Variants in FARP2 observed in about 807,000 individuals in gnomAD.
FARP2 encodes the protein FERM, ARH/RhoGEF and pleckstrin domain protein 2.
Under a neutral mutation model 130.5 loss-of-function variants are expected in FARP2, and 111 were observed. That is an observed-to-expected ratio of 0.85 (90% CI 0.73 to 1.00). The LOEUF (loss-of-function observed/expected upper bound fraction) is 1.00. Ranked by LOEUF, FARP2 falls within the 50% of genes least tolerant of loss-of-function variation. The probability of loss-of-function intolerance (pLI) is 0.00; values close to 1 mark genes in which losing one functional copy is unlikely to be tolerated. For missense variants in FARP2, 1,385 were observed against 1,346.3 expected (o/e 1.03, Z -0.45); for synonymous variants, 504 against 516.9 (o/e 0.98, Z 0.34).
At chr2:241,481,203 T>C (rs1253412960) in intron 19 of FARP2, among the ~76,000 whole-genome samples, 1 of 152,114 alleles carries the variant, frequency 6.6e-6, no homozygotes, top group African/African-American at 2.4e-5. Flanking sequence ...CACTCCAGCC[T>C]AGGCAACAGA....
At chr2:241,406,448 G>A (rs2150354148) in intron 4 of FARP2, among the ~76,000 whole-genome samples, 1 of 151,862 alleles carries the variant, frequency 6.6e-6, no homozygotes, top group African/African-American at 2.4e-5. Context: ...GCACGCGCAT[G>A]TTTTTGTGTG....
chr2:241,483,306 G>T (rs972855653), intron 19 of FARP2, among the ~76,000 whole-genome samples, 159 bp from the exon 20 acceptor site: 1 of 152,224 alleles, frequency 6.6e-6, no homozygotes, highest in Non-Finnish European at 1.5e-5. Flanking sequence ...ACTGCTGAGG[G>T]TAGAGGAGCC....
At chr2:241,474,440 G>A (rs887132621) in intron 18 of FARP2, among the ~76,000 whole-genome samples, 5 of 149,804 alleles carry the variant, frequency 3.3e-5, no homozygotes, top group Admixed American at 3.3e-4. Context: ...GAGGGGTGTG[G>A]ACCTTGTCAT....
At chr2:241,387,342 T>C (rs2061808007) in intron 2 of FARP2, 1 of 152,190 alleles carries the variant, frequency 6.6e-6, no homozygotes, top group Non-Finnish European at 1.5e-5. Context: ...GACACTACGT[T>C]GTATATAGAA....
intron 21 of FARP2, among the ~76,000 whole-genome samples, chr2:241,485,272 A>G (rs62190414): frequency 0.21 from 29,289 of 141,382 alleles, 3,149 homozygotes; most frequent in East Asian, 0.42. Context: ...CTTTCCTAGG[A>G]TCTTCCCTCC....
intron 5 of FARP2, 29 bp from the exon 6 acceptor site, chr2:241,411,004 T>A: frequency 1.4e-6 from 2 of 1,420,678 alleles, no homozygotes; most frequent in Non-Finnish European, 2.0e-6. Flanking sequence ...TTGGAATTGA[T>A]CTCTGTCTTA....
intron 14 of FARP2, among the ~76,000 whole-genome samples, chr2:241,460,574 A>G (rs2063986847): frequency 6.6e-6 from 1 of 152,236 alleles, no homozygotes; most frequent in African/African-American, 2.4e-5. Context: ...CACCACATCC[A>G]GCCAAGAAAA....
At chr2:241,453,796 T>C (rs2063757400) in intron 13 of FARP2, among the ~76,000 whole-genome samples, 2 of 117,740 alleles carry the variant, frequency 1.7e-5, no homozygotes, top group South Asian at 3.0e-4. Context: ...TTTTTTTTTT[T>C]TTTTTGAGAT....
intron 1 of FARP2, among the ~76,000 whole-genome samples, chr2:241,360,239 T>C (rs2150276343): frequency 6.6e-6 from 1 of 152,346 alleles, no homozygotes; most frequent in East Asian, 1.9e-4. Flanking sequence ...TCAGATTTCT[T>C]CTGAGGCAGA....
intron 20 of FARP2, chr2:241,483,894 G>C: frequency 2.0e-6 from 2 of 985,496 alleles, no homozygotes; most frequent in Non-Finnish European, 2.4e-6. Context: ...TGTTGGCTCA[G>C]AAGCCCCTCC....
rs1273741166 is a variant in FARP2 at position 241,441,328 on chromosome 2, A to G, written c.1183A>G (p.Arg395Gly). ...GAGCATCTCATTCCCCGAGGGATTGAGGACTCCTGCCTCCCCATCTTCAGC... is the reference window on the plus strand; with the variant it reads ...GAGCATCTCATTCCCCGAGGGATTGGGGACTCCTGCCTCCCCATCTTCAGC... ...KQSISFPEGL[R>G]TPASPSSANA... Residue 395 changes from arginine to glycine, a missense_variant, in exon 13 of 27, where the codon AGG (arginine) becomes GGG (glycine). By Grantham distance (125) the Arg-to-Gly change is moderately radical. Coordinates refer to ENST00000264042, the MANE Select transcript of FARP2 (RefSeq NM_014808.4). 1 of 1,606,584 alleles carries G rather than the reference A, an allele frequency of 6.2e-7. No homozygotes were observed. Among genetic ancestry groups the G allele is most frequent in the Non-Finnish European group, 8.5e-7 (1 of 1,174,464 alleles).
chr2:241,479,805 A>C (rs1389524273), intron 19 of FARP2, among the ~76,000 whole-genome samples: 1 of 152,200 alleles, frequency 6.6e-6, no homozygotes, highest in Admixed American at 6.5e-5. Context: ...CGCTCCTGGC[A>C]TAGAGGTTGG....
At chr2:241,404,751 A>C in intron 3 of FARP2, 48 bp from the exon 4 acceptor site, 2 of 1,416,420 alleles carry the variant, frequency 1.4e-6, no homozygotes, top group Non-Finnish European at 2.0e-6. Flanking sequence ...CTTGTTAAAT[A>C]GAGACATTAT....
At chr2:241,485,759 T>C (rs2064737457) in intron 21 of FARP2, among the ~76,000 whole-genome samples, 1 of 150,928 alleles carries the variant, frequency 6.6e-6, no homozygotes, top group Non-Finnish European at 1.5e-5. Context: ...CCTGTGGTCC[T>C]CCCTCCCTGG....
At chr2:241,441,193 G>A (rs890681425) in intron 12 of FARP2, 111 bp from the exon 13 acceptor site, 1 of 933,864 alleles carries the variant, frequency 1.1e-6, no homozygotes, top group African/African-American at 1.7e-5. Flanking sequence ...TTTCATGAAA[G>A]CTGTGATAGA....
intron 4 of FARP2, among the ~76,000 whole-genome samples, chr2:241,406,197 A>C (rs1337717116): frequency 6.6e-6 from 1 of 150,680 alleles, no homozygotes; most frequent in Non-Finnish European, 1.5e-5. Context: ...AGTCCCAGCT[A>C]CTCAGGAGGC....
chr2:241,424,507 A>G (rs182796358), intron 8 of FARP2, among the ~76,000 whole-genome samples: 1 of 152,340 alleles, frequency 6.6e-6, no homozygotes, highest in East Asian at 1.9e-4. Context: ...TCAAAAAGCT[A>G]GAAAGATCTC....
intron 12 of FARP2, among the ~76,000 whole-genome samples, chr2:241,437,396 A>C (rs934570189): frequency 6.6e-6 from 1 of 152,184 alleles, no homozygotes; most frequent in Non-Finnish European, 1.5e-5. Flanking sequence ...ACTTCACTAC[A>C]GTCCCTTCCC....
chr2:241,390,577 C>A (rs2061882899), intron 2 of FARP2, among the ~76,000 whole-genome samples: 1 of 152,142 alleles, frequency 6.6e-6, no homozygotes, highest in Non-Finnish European at 1.5e-5. Context: ...TTTGTAATAT[C>A]CCCTTTTCAT....
Sources: gnomAD v4.1 joint callset for allele counts (sites outside exome capture counted in the v4.1 genomes callset) on GRCh38, gnomAD v4.1.1 for gene constraint, MANE v1.5 for transcripts, NCBI Gene and HGNC (gene_info 2026-07-23, HGNC 2026-07-21) for gene names.